PPP1R9A: variants seen among roughly 807,000 people sequenced by gnomAD.
PPP1R9A encodes neurabin-1.
Under a neutral mutation model 141.9 loss-of-function variants are expected in PPP1R9A, and 59 were observed. That is an observed-to-expected ratio of 0.42 (90% CI 0.34 to 0.52). The LOEUF (loss-of-function observed/expected upper bound fraction) is 0.52, where lower values mean the gene tolerates loss of function less well. PPP1R9A is among the 20% of genes least tolerant of loss of function. PPP1R9A has a pLI of 0.10. For missense variants in PPP1R9A, 1,444 were observed against 1,611.9 expected (o/e 0.90, Z 1.78); for synonymous variants, 500 against 569.7 (o/e 0.88, Z 1.74).
chr7:95,094,189 C>G (rs1393734571), intron 2 of PPP1R9A, among the ~76,000 whole-genome samples: 1 of 152,102 alleles, frequency 6.6e-6, no homozygotes, highest in African/African-American at 2.4e-5. Context: ...TAAGTGAAGG[C>G]TGGCCATGTA....
chr7:95,151,941 CTTTTTTTTTTTT>C (rs1167382285), intron 4 of PPP1R9A, among the ~76,000 whole-genome samples: 7 of 54,462 alleles, frequency 1.3e-4, no homozygotes, highest in South Asian at 7.4e-4. Flanking sequence ...TACTGAGAAT[CTTTTTTTTTTTT>C]TTTTTTTTTT....
At chr7:95,107,838 C>G (rs1819776947) in intron 2 of PPP1R9A, among the ~76,000 whole-genome samples, 1 of 151,994 alleles carries the variant, frequency 6.6e-6, no homozygotes, top group African/African-American at 2.4e-5. Flanking sequence ...TTAGGGTAAA[C>G]TGATATTTAC....
chr7:95,087,627 T>A (rs745468228), intron 2 of PPP1R9A, among the ~76,000 whole-genome samples: 1 of 152,054 alleles, frequency 6.6e-6, no homozygotes, highest in Admixed American at 6.5e-5. Context: ...CGGGTGCCGC[T>A]GGCTCACGCC....
At chr7:95,249,966 G>A in intron 9 of PPP1R9A, 60 bp from the exon 10 acceptor site, 1 of 1,483,002 alleles carries the variant, frequency 6.7e-7, no homozygotes, top group Non-Finnish European at 8.9e-7. Flanking sequence ...CTATAAAAAT[G>A]AGAGATTTTT....
intron 2 of PPP1R9A, among the ~76,000 whole-genome samples, chr7:94,998,220 A>G (rs1488946807): frequency 6.6e-6 from 1 of 152,188 alleles, no homozygotes; most frequent in Non-Finnish European, 1.5e-5. Flanking sequence ...ACCCCAATAT[A>G]GAAAATAGTT....
chr7:95,044,296 A>G (rs753395767), intron 2 of PPP1R9A, among the ~76,000 whole-genome samples: 1 of 151,942 alleles, frequency 6.6e-6, no homozygotes, highest in South Asian at 2.1e-4. Flanking sequence ...CTCCTCCTCT[A>G]CCTTAACTGT....
Position 95,228,166 on chromosome 7 carries a change from G to A in PPP1R9A, c.2112+2050G>A, listed in dbSNP as rs144657056. Among the ~76,000 whole-genome samples, 701 of 152,240 alleles carry A rather than the reference G, an allele frequency of 4.6e-3. 5 individuals carry two copies. The highest frequency in any genetic ancestry group is 0.016 in the African/African-American group (659 of 41,538). On this transcript the variant is annotated intron_variant, in intron 8 of 19. Transcript: ENST00000433360. The stretch of plus-strand genomic sequence containing the variant: ...TCTTAATTATTTTAAGCAAAAGTAT[G>A]TGTTTTACTACTCGGGCAAAATACA...
At chr7:95,190,635 G>T (rs761858144) in intron 5 of PPP1R9A, among the ~76,000 whole-genome samples, 34 of 152,230 alleles carry the variant, frequency 2.2e-4, no homozygotes, top group Non-Finnish European at 3.2e-4. Context: ...TTGCTGTAAT[G>T]TCCTAAGTTG....
chr7:95,075,959 C>T (rs1814783832), intron 2 of PPP1R9A, among the ~76,000 whole-genome samples: 2 of 152,108 alleles, frequency 1.3e-5, no homozygotes, highest in African/African-American at 2.4e-5. Context: ...GAGTTGTTTA[C>T]TAAGATTTGT....
chr7:95,132,481 A>G (rs2152532303), intron 4 of PPP1R9A, among the ~76,000 whole-genome samples: 1 of 152,278 alleles, frequency 6.6e-6, no homozygotes, highest in Middle Eastern at 3.4e-3. Flanking sequence ...GGTGAATCAT[A>G]TTTATTGATT....
chr7:95,138,727 A>G (rs932918558), intron 4 of PPP1R9A, among the ~76,000 whole-genome samples: 1 of 152,270 alleles, frequency 6.6e-6, no homozygotes, highest in African/African-American at 2.4e-5. Flanking sequence ...CAAAGTGGAA[A>G]ACTTATGACT....
At chr7:95,139,235 A>G (rs1826200315) in intron 4 of PPP1R9A, among the ~76,000 whole-genome samples, 1 of 152,316 alleles carries the variant, frequency 6.6e-6, no homozygotes. Context: ...ACCTCCTCAC[A>G]GGGCAGCAGG....
chr7:95,241,778 G>A (rs1465219039), intron 8 of PPP1R9A, among the ~76,000 whole-genome samples: 1 of 151,994 alleles, frequency 6.6e-6, no homozygotes. Context: ...AAAATGCATG[G>A]GATAATAACA....
In PPP1R9A at chr7:95,051,657, G is replaced by A. The variant is rs192055673; in HGVS notation, c.1396-59602G>A. ...GGTATGAAAAAGTATACTATTTTCT[G>A]GGGTTACCCAGTTTGCTACTATTGG... On this transcript the variant is annotated intron_variant, in intron 2 of 19. Coordinates refer to ENST00000433360, the MANE Select transcript of PPP1R9A (RefSeq NM_001166160.2). Among the ~76,000 whole-genome samples, 443 of 152,076 alleles carry A rather than the reference G, an allele frequency of 2.9e-3. 7 individuals carry two copies. Among genetic ancestry groups the A allele is most frequent in the Admixed American group, 0.028 (428 of 15,274 alleles).
intron 2 of PPP1R9A, among the ~76,000 whole-genome samples, chr7:94,993,529 T>A (rs967654827): frequency 2.0e-5 from 3 of 152,198 alleles, no homozygotes; most frequent in African/African-American, 7.2e-5. Flanking sequence ...GTGAACAAGC[T>A]GTAGCTCTAT....
chr7:94,985,475 T>C (rs1265698330), intron 2 of PPP1R9A, among the ~76,000 whole-genome samples: 1 of 152,104 alleles, frequency 6.6e-6, no homozygotes, highest in Non-Finnish European at 1.5e-5. Context: ...TTTTTAGATC[T>C]CTCAGGACTT....
intron 2 of PPP1R9A, among the ~76,000 whole-genome samples, chr7:94,960,300 T>C (rs1385449861): frequency 6.6e-6 from 1 of 151,590 alleles, no homozygotes; most frequent in African/African-American, 2.4e-5. Context: ...ATGATTCTAC[T>C]GATCCTAAGT....
chr7:95,232,720 A>G (rs1407471876), intron 8 of PPP1R9A, among the ~76,000 whole-genome samples: 2 of 152,202 alleles, frequency 1.3e-5, no homozygotes, highest in Non-Finnish European at 2.9e-5. Flanking sequence ...ATATGAACAG[A>G]CACTTTTCAA....
chr7:95,202,958 A>G (rs1373256424), intron 6 of PPP1R9A, among the ~76,000 whole-genome samples: 2 of 151,938 alleles, frequency 1.3e-5, no homozygotes, highest in Non-Finnish European at 2.9e-5. Flanking sequence ...TTCTTTTAAG[A>G]TATAGTATTT....
Sources: gnomAD v4.1 joint callset for allele counts (sites outside exome capture counted in the v4.1 genomes callset) on GRCh38, gnomAD v4.1.1 for gene constraint, MANE v1.5 for transcripts, NCBI Gene and HGNC (gene_info 2026-07-23, HGNC 2026-07-21) for gene names.